The following LOXL4 variants were observed in gnomAD, a reference collection of about 807,000 sequenced individuals.
LOXL4 encodes lysyl oxidase like 4.
In LOXL4, 72 loss-of-function variants were observed where a neutral mutation model predicts 89.1. The ratio of observed to expected loss-of-function variants is 0.81; its 90% CI spans 0.67 to 0.98. The LOEUF (loss-of-function observed/expected upper bound fraction) is 0.98. Among genes scored for constraint, LOXL4 ranks in the 50% least tolerant of loss-of-function variants. The pLI is 0.00. For missense variants in LOXL4, 984 were observed against 1,017.5 expected (o/e 0.97, Z 0.45); for synonymous variants, 355 against 392.1 (o/e 0.91, Z 1.12).
chr10:98,252,595 T>C (rs1858228954), intron 11 of LOXL4, 127 bp from the exon 12 acceptor site: 1 of 632,982 alleles, frequency 1.6e-6, no homozygotes, highest in Non-Finnish European at 2.8e-6. Context: ...GGCAGTGCCC[T>C]TCTCCCTCCC....
rs1590880139 is a variant in LOXL4 at position 98,257,567 on chromosome 10, C to G, written c.1260+83G>C. Reference sequence around the variant, plus strand: ...GCTAGCCGCTCCTCCTGGACCTCTCCCCGCTAGCTCGATGTGGTGTCCTGG... The same window carrying G: ...GCTAGCCGCTCCTCCTGGACCTCTCGCCGCTAGCTCGATGTGGTGTCCTGG... On this transcript the variant is annotated intron_variant, in intron 8 of 14. Coordinates refer to ENST00000260702, the MANE Select transcript of LOXL4 (RefSeq NM_032211.7). 1.8e-5 allele frequency: 27 copies of G among 1,495,674 alleles called. No homozygotes were observed. The East Asian group carries it at 6.1e-4, about 34-fold the overall frequency. 92.7% of individuals were successfully genotyped at this position (1,495,674 alleles called of 1,614,324 possible).
intron 12 of LOXL4, 185 bp from the exon 13 acceptor site, chr10:98,251,887 T>G (rs1203767634): frequency 4.5e-6 from 3 of 673,142 alleles, no homozygotes; most frequent in Non-Finnish European, 7.3e-6. Context: ...TTTGTTTGAC[T>G]GCTCCAGTGC....
At chr10:98,257,594 G>A (rs1858414511) in intron 8 of LOXL4, 56 bp downstream of exon 8, 1 of 1,574,510 alleles carries the variant, frequency 6.4e-7, no homozygotes, top group Non-Finnish European at 8.6e-7. Context: ...GTGTCCTGGG[G>A]ACTCCCCAGG....
At position 98,251,584 on chromosome 10, in the gene LOXL4, G is replaced by A. The variant is rs750623507; in HGVS notation, c.2070C>T (p.Pro690=). ...CQWVDITDVG[P]GNYIFQVIVN... ...GCCTTACCTGGAAGATATAATTCCC[G>A]GGGCCCACATCTGTGATATCCACCC... The change falls in exon 13 of 15, where the codon CCC becomes CCT. Residue 690 remains proline (P), a synonymous_variant. Coordinates refer to ENST00000260702, the MANE Select transcript of LOXL4 (RefSeq NM_032211.7). The A allele has an allele frequency of 7.4e-6, 12 of 1,614,154 alleles. No homozygotes were observed. Among genetic ancestry groups the A allele is most frequent in the South Asian group, 3.3e-5 (3 of 91,072 alleles).
chr10:98,258,064 T>G lies in LOXL4; in HGVS notation c.1022A>C (p.Asn341Thr), dbSNP rs1242950383. Residue 341 changes from asparagine to threonine, a missense_variant, in exon 7 of 15, where the codon AAC becomes ACC. Physicochemically the swap from Asn to Thr is moderately conservative, Grantham distance 65. Transcript: ENST00000260702. ...ACACACGACACTGGCAGAGATGAGGTTCCACCTGTGGTCACAGACCGTGCC... is the reference window on the plus strand; with the variant it reads ...ACACACGACACTGGCAGAGATGAGGGTCCACCTGTGGTCACAGACCGTGCC... ...QWGTVCDHRW[N>T]LISASVVCRQ... The G allele has an allele frequency of 6.2e-7, 1 of 1,613,756 alleles. No homozygotes were observed. Among genetic ancestry groups the G allele is most frequent in the South Asian group, 1.1e-5 (1 of 91,086 alleles).
At position 98,262,141 on chromosome 10, in the gene LOXL4, C is replaced by T. The variant is rs563068153; in HGVS notation, c.350G>A (p.Trp117Ter). ...SSLDQCGSNG[W>*]GVSDCSHSED... ...TGAGTGACTGCAGTCACTGACTCCC[C>T]AGCCATTAGACCCGCACTGGTCCAA... is the stretch of plus-strand genomic sequence containing the variant. The change falls in exon 3 of 15, where the codon TGG becomes TAG. Residue 117 changes from tryptophan to a stop codon, truncating the protein, a stop_gained. Coordinates refer to ENST00000260702, the MANE Select transcript of LOXL4 (RefSeq NM_032211.7). LOFTEE classifies it high-confidence loss of function. The T allele has an allele frequency of 3.1e-6, 5 of 1,613,674 alleles. No homozygotes were observed. In the South Asian group the frequency reaches 3.3e-5, roughly 11 times the overall value.
rs1382702523 is a variant in LOXL4 at position 98,261,201 on chromosome 10, C to G, written c.457-74G>C. On this transcript the variant is annotated intron_variant, in intron 3 of 14. Coordinates refer to ENST00000260702, the MANE Select transcript of LOXL4 (RefSeq NM_032211.7). Reference sequence around the variant, plus strand: ...GTGGAGCCTGCTGCAGATCTTCATGCAGAAAGGCTGGGGCTTGGAGCTTTT... The same window carrying G: ...GTGGAGCCTGCTGCAGATCTTCATGGAGAAAGGCTGGGGCTTGGAGCTTTT... The G allele has an allele frequency of 2.7e-6, 4 of 1,507,750 alleles. No homozygotes were observed. In the African/African-American group the frequency reaches 5.5e-5, roughly 21 times the overall value. 93.4% of individuals were successfully genotyped at this position (1,507,750 alleles called of 1,614,324 possible). A position where few individuals can be genotyped will look rare whatever the true frequency, so the allele number is the denominator to read the frequency against.
chr10:98,263,169 T>TGC, intron 1 of LOXL4, 118 bp from the exon 2 acceptor site: 1 of 725,644 alleles, frequency 1.4e-6, no homozygotes, highest in Non-Finnish European at 2.3e-6. Context: ...AATGTGTGTG[T>TGC]GTGTGCACGC....
At chr10:98,260,441 G>A (rs1032085134) in intron 4 of LOXL4, among the ~76,000 whole-genome samples, 5 of 147,386 alleles carry the variant, frequency 3.4e-5, no homozygotes, top group Admixed American at 2.7e-4. Flanking sequence ...CCAAGGACAC[G>A]CGGTTTTATG....
intron 1 of LOXL4, among the ~76,000 whole-genome samples, chr10:98,267,246 G>A (rs1382348976): frequency 6.6e-6 from 1 of 152,086 alleles, no homozygotes; most frequent in Non-Finnish European, 1.5e-5. Context: ...GGAGCCGACT[G>A]AAATTCCACC....
intron 9 of LOXL4, 57 bp from the exon 10 acceptor site, chr10:98,255,796 C>G (rs1858344929): frequency 1.3e-6 from 2 of 1,573,376 alleles, no homozygotes; most frequent in Non-Finnish European, 8.7e-7. Flanking sequence ...CCTCCTGACT[C>G]CCATCTGAGG....
chr10:98,258,922 G>A, intron 6 of LOXL4, 87 bp downstream of exon 6: 2 of 1,045,302 alleles, frequency 1.9e-6, no homozygotes, highest in Non-Finnish European at 2.8e-6. Context: ...TCTCCTGCGT[G>A]TCCTGGACCT....
At chr10:98,262,511 T>C (rs566428940) in intron 2 of LOXL4, among the ~76,000 whole-genome samples, 1 of 152,310 alleles carries the variant, frequency 6.6e-6, no homozygotes, top group East Asian at 1.9e-4. Flanking sequence ...TGTGTGCCAA[T>C]TGCTATGTTC....
chr10:98,258,335 A>G (rs946694615), intron 6 of LOXL4, among the ~76,000 whole-genome samples, 171 bp from the exon 7 acceptor site: 11 of 151,724 alleles, frequency 7.3e-5, no homozygotes, highest in African/African-American at 2.4e-4. Context: ...CACCCTGAAT[A>G]AGCTGTTTTT....
In LOXL4 at chr10:98,251,634, A is replaced by G; in HGVS notation, c.2020T>C (p.Tyr674His). The change falls in exon 13 of 15, where the codon TAC becomes CAC. Residue 674 changes from tyrosine to histidine, a missense_variant. Tyr to His is a moderately conservative substitution (Grantham distance 83). Coordinates refer to ENST00000260702, the MANE Select transcript of LOXL4 (RefSeq NM_032211.7). ...QGVTVGCWDT[Y>H]RHDIDCQWVD... Reference sequence around the variant, plus strand: ...CACTGGCAATCAATGTCATGCCGGTAGGTGTCCCAGCAGCCTACAGTCACT... The same window carrying G: ...CACTGGCAATCAATGTCATGCCGGTGGGTGTCCCAGCAGCCTACAGTCACT... 6.2e-7 allele frequency: 1 copy of G among 1,614,240 alleles called. No homozygotes were observed. The highest frequency in any genetic ancestry group is 8.5e-7 in the Non-Finnish European group (1 of 1,180,038).
chr10:98,251,259 GTTTCTAT>G, intron 13 of LOXL4, 83 bp from the exon 14 acceptor site: 1 of 1,054,906 alleles, frequency 9.5e-7, no homozygotes, highest in Non-Finnish European at 1.4e-6. Context: ...CCTTACATGT[GTTTCTAT>G]TTGCTTCATT....
intron 13 of LOXL4, 62 bp downstream of exon 13, chr10:98,251,504 G>A (rs1858191009): frequency 1.3e-6 from 2 of 1,593,352 alleles, no homozygotes; most frequent in Admixed American, 3.4e-5. Flanking sequence ...TTTGCCCTCA[G>A]GGAAAGTTGT....
intron 3 of LOXL4, 87 bp downstream of exon 3, chr10:98,261,948 G>T: frequency 7.3e-7 from 1 of 1,362,666 alleles, no homozygotes; most frequent in East Asian, 2.5e-5. Context: ...CTTTCCCCTC[G>T]CTTATCCTCT....
At chr10:98,266,802 T>C (rs1398580116) in intron 1 of LOXL4, among the ~76,000 whole-genome samples, 1 of 152,080 alleles carries the variant, frequency 6.6e-6, no homozygotes, top group African/African-American at 2.4e-5. Context: ...CCAGCTCAAA[T>C]GCCACCCCCT....
Sources: allele counts gnomAD v4.1 joint callset (sites outside exome capture counted in the v4.1 genomes callset), GRCh38; gene constraint gnomAD v4.1.1; transcripts MANE v1.5; gene names NCBI Gene and HGNC (gene_info 2026-07-23, HGNC 2026-07-21).